The following SLC44A5 variants were observed in gnomAD, a reference collection of about 807,000 sequenced individuals.
SLC44A5 encodes the protein choline transporter-like protein 5.
A neutral mutation model predicts 101.8 loss-of-function variants in SLC44A5; 57 were observed. The observed-to-expected ratio is 0.56, with a 90% CI of 0.45 to 0.70. The LOEUF (loss-of-function observed/expected upper bound fraction) is 0.70, where lower values mean the gene tolerates loss of function less well. Among genes scored for constraint, SLC44A5 ranks in the 30% least tolerant of loss-of-function variants. SLC44A5 has a pLI of 0.00. For missense variants in SLC44A5, 737 were observed against 853.1 expected (o/e 0.86, Z 1.70); for synonymous variants, 281 against 290.9 (o/e 0.97, Z 0.35).
chr1:75,227,889 A>T, intron 12 of SLC44A5, 32 bp from the exon 13 acceptor site: 1 of 1,547,642 alleles, frequency 6.5e-7, no homozygotes, highest in Non-Finnish European at 8.7e-7. Flanking sequence ...GAATAATATA[A>T]AATATGATTT....
intron 2 of SLC44A5, among the ~76,000 whole-genome samples, chr1:75,530,844 C>G (rs950177771): frequency 6.6e-6 from 1 of 152,110 alleles, no homozygotes; most frequent in Non-Finnish European, 1.5e-5. Context: ...CAAATAAATA[C>G]AGTTCAGCCA....
At chr1:75,550,701 T>C (rs1195701661) in intron 1 of SLC44A5, among the ~76,000 whole-genome samples, 1 of 152,144 alleles carries the variant, frequency 6.6e-6, no homozygotes, top group African/African-American at 2.4e-5. Flanking sequence ...AGATCCACTG[T>C]AAATTTCACA....
intron 2 of SLC44A5, among the ~76,000 whole-genome samples, chr1:75,444,461 GA>G (rs1426715454): frequency 2.0e-3 from 247 of 121,196 alleles, no homozygotes; most frequent in African/African-American, 6.1e-3. Context: ...GAAAGAAAAA[GA>G]AAAAAAGAAA....
At chr1:75,443,523 A>G (rs574129482) in intron 2 of SLC44A5, among the ~76,000 whole-genome samples, 4 of 151,972 alleles carry the variant, frequency 2.6e-5, no homozygotes, top group Non-Finnish European at 5.9e-5. Flanking sequence ...AATATAACTG[A>G]CCAAAACTTA....
intron 1 of SLC44A5, among the ~76,000 whole-genome samples, chr1:75,608,577 C>A (rs1377114935): frequency 1.3e-5 from 2 of 151,984 alleles, no homozygotes; most frequent in Admixed American, 6.6e-5. Flanking sequence ...AGAGTAAAAA[C>A]CAAAGTCTTA....
chr1:75,357,272 T>A (rs113098538), intron 3 of SLC44A5: 9 of 454,396 alleles, frequency 2.0e-5, no homozygotes, highest in African/African-American at 4.0e-5. Context: ...CTAAAAGCTC[T>A]TGAACTTGGA....
the SLC44A5 span, among the ~76,000 whole-genome samples, chr1:75,723,038 A>G: frequency 6.6e-6 from 1 of 152,170 alleles, no homozygotes; most frequent in African/African-American, 2.4e-5. Context: ...GCATTCCACA[A>G]GTTGCTTCCT....
At chr1:75,610,195 A>C (rs1330810558) in intron 1 of SLC44A5, among the ~76,000 whole-genome samples, 1 of 151,678 alleles carries the variant, frequency 6.6e-6, no homozygotes, top group Non-Finnish European at 1.5e-5. Flanking sequence ...CTGAATATAA[A>C]TTAGGAACTG....
chr1:75,654,551 C>A, the SLC44A5 span, among the ~76,000 whole-genome samples: 1 of 152,120 alleles, frequency 6.6e-6, no homozygotes, highest in Non-Finnish European at 1.5e-5. Context: ...CATTAAGGTA[C>A]TTTTAACCAG....
At chr1:75,549,110 C>CT (rs1293390987) in intron 1 of SLC44A5, among the ~76,000 whole-genome samples, 4 of 148,018 alleles carry the variant, frequency 2.7e-5, no homozygotes, top group Admixed American at 6.8e-5. Flanking sequence ...TAAACATGTT[C>CT]TTTTTTTACC....
At chr1:75,631,788 T>G in the SLC44A5 span, among the ~76,000 whole-genome samples, 1 of 151,710 alleles carries the variant, frequency 6.6e-6, no homozygotes, top group Non-Finnish European at 1.5e-5. Context: ...CCACCTGCCT[T>G]GGCCCCCCAA....
chr1:75,513,513 A>G (rs146433144), intron 2 of SLC44A5, among the ~76,000 whole-genome samples: 4 of 152,352 alleles, frequency 2.6e-5, no homozygotes, highest in African/African-American at 9.6e-5. Flanking sequence ...TTTGTAGAAT[A>G]TATCAGAGGG....
chr1:75,215,913 C>A lies in SLC44A5; in HGVS notation c.1625-56G>T. ...TGATTTGCAGCTGAACCTTATCAGTCAAAATAAATATAATACAACATTTAA... is the reference window on the plus strand; with the variant it reads ...TGATTTGCAGCTGAACCTTATCAGTAAAAATAAATATAATACAACATTTAA... On this transcript the variant is annotated intron_variant, in intron 18 of 23. Coordinates refer to ENST00000370859, the MANE Select transcript of SLC44A5 (RefSeq NM_001130058.2). 3.3e-6 allele frequency: 3 copies of A among 909,220 alleles called. No individual in the cohort carries two copies. In the South Asian group the frequency reaches 4.5e-5, roughly 14 times the overall value. 56.3% of individuals were successfully genotyped at this position (909,220 alleles called of 1,614,324 possible).
At chr1:75,321,450 CAGAGAGAGAG>C (rs58617518) in intron 4 of SLC44A5, among the ~76,000 whole-genome samples, 3 of 146,182 alleles carry the variant, frequency 2.1e-5, no homozygotes, top group Non-Finnish European at 3.0e-5. Context: ...TGTTATATGG[CAGAGAGAGAG>C]AGAGAGAGAG....
At chr1:75,718,225 G>C in the SLC44A5 span, among the ~76,000 whole-genome samples, 169 of 152,276 alleles carry the variant, frequency 1.1e-3, no homozygotes, top group African/African-American at 3.9e-3. Flanking sequence ...TGGTAAATCT[G>C]CCATTTAAGC....
chr1:75,694,166 T>C, the SLC44A5 span, among the ~76,000 whole-genome samples: 3 of 151,690 alleles, frequency 2.0e-5, no homozygotes, highest in Non-Finnish European at 4.4e-5. Flanking sequence ...AGTAATACCT[T>C]TGAGTAGGCA....
upstream of SLC44A5, among the ~76,000 whole-genome samples, chr1:75,613,052 C>T (rs140851274): frequency 5.0e-4 from 76 of 152,300 alleles, no homozygotes; most frequent in African/African-American, 1.8e-3. Flanking sequence ...TGTTAAGAAA[C>T]TGCATTTCTC....
chr1:75,208,506 A>C (rs1646792145), intron 23 of SLC44A5, among the ~76,000 whole-genome samples: 1 of 152,220 alleles, frequency 6.6e-6, no homozygotes, highest in Non-Finnish European at 1.5e-5. Context: ...AAAGAATTTT[A>C]AGCTAGTTTT....
chr1:75,306,737 T>TC (rs1372123206), intron 4 of SLC44A5, among the ~76,000 whole-genome samples: 9 of 119,510 alleles, frequency 7.5e-5, no homozygotes, highest in African/African-American at 2.8e-4. Context: ...TCCTTTCTTT[T>TC]TTTTTTTTTT....
Sources: gnomAD v4.1 joint callset for allele counts (sites outside exome capture counted in the v4.1 genomes callset) on GRCh38, gnomAD v4.1.1 for gene constraint, MANE v1.5 for transcripts, NCBI Gene and HGNC (gene_info 2026-07-23, HGNC 2026-07-21) for gene names.